EHBP1: variants seen among roughly 807,000 people sequenced by gnomAD.
EHBP1 encodes the protein EH domain binding protein 1.
In EHBP1, 55 loss-of-function variants were observed where a neutral mutation model predicts 144.0. The ratio of observed to expected loss-of-function variants is 0.38; its 90% CI spans 0.31 to 0.48. The LOEUF is 0.48. Among genes scored for constraint, EHBP1 ranks in the 20% least tolerant of loss-of-function variants. EHBP1 has a pLI of 0.98. For synonymous variants in EHBP1, 469 were observed against 472.7 expected (o/e 0.99, Z 0.10); for missense variants, 1,200 against 1,364.2 (o/e 0.88, Z 1.90).
intron 5 of EHBP1, among the ~76,000 whole-genome samples, chr2:62,816,622 G>A (rs1390770641): frequency 3.3e-5 from 5 of 152,214 alleles, no homozygotes; most frequent in Non-Finnish European, 7.3e-5. Context: ...GTCAGAAAGA[G>A]GAAGAGGAGC....
chr2:62,842,557 A>G (rs184327535), intron 7 of EHBP1, among the ~76,000 whole-genome samples: 1 of 152,232 alleles, frequency 6.6e-6, no homozygotes, highest in Non-Finnish European at 1.5e-5. Flanking sequence ...ATCCTTCAAA[A>G]TTTAATTCAC....
intron 19 of EHBP1, among the ~76,000 whole-genome samples, chr2:63,000,386 T>TG (rs2059801698): frequency 6.7e-6 from 1 of 148,926 alleles, no homozygotes; most frequent in African/African-American, 2.5e-5. Flanking sequence ...GTGTGTGTGT[T>TG]TTTTTTTTTC....
chr2:63,006,091 A>T (rs937585547), intron 19 of EHBP1, among the ~76,000 whole-genome samples: 1 of 151,970 alleles, frequency 6.6e-6, no homozygotes. Context: ...TTCTCTTATA[A>T]CACTTTTGCG....
At chr2:62,971,591 C>G (rs984433848) in intron 14 of EHBP1, among the ~76,000 whole-genome samples, 2 of 152,238 alleles carry the variant, frequency 1.3e-5, no homozygotes, top group Non-Finnish European at 2.9e-5. Flanking sequence ...TGATATCAAA[C>G]AGACACTGAT....
intron 5 of EHBP1, among the ~76,000 whole-genome samples, chr2:62,773,463 T>C (rs113102427): frequency 6.6e-6 from 1 of 152,122 alleles, no homozygotes; most frequent in Non-Finnish European, 1.5e-5. Context: ...TTTCAAACCA[T>C]ACTACCTTTG....
At chr2:63,040,442 T>C (rs2061610797) in intron 21 of EHBP1, among the ~76,000 whole-genome samples, 1 of 152,132 alleles carries the variant, frequency 6.6e-6, no homozygotes, top group Non-Finnish European at 1.5e-5. Flanking sequence ...TCCTCAGCAG[T>C]CCTATCCCTA....
intron 10 of EHBP1, among the ~76,000 whole-genome samples, chr2:62,895,278 T>TATCATCATCATC (rs10700628): frequency 6.9e-4 from 104 of 149,800 alleles, no homozygotes; most frequent in East Asian, 1.6e-3. Flanking sequence ...ATGTAAATTC[T>TATCATCATCATC]ATCATCATCA....
At chr2:62,978,181 G>T (rs183870736) in intron 14 of EHBP1, among the ~76,000 whole-genome samples, 4 of 151,178 alleles carry the variant, frequency 2.6e-5, no homozygotes, top group African/African-American at 9.7e-5. Context: ...GATTATTTGC[G>T]ATTCATAATA....
At chr2:62,811,127 A>G (rs78415374) in intron 5 of EHBP1, among the ~76,000 whole-genome samples, 1 of 152,198 alleles carries the variant, frequency 6.6e-6, no homozygotes, top group Non-Finnish European at 1.5e-5. Context: ...AATGTTTATG[A>G]GTATGTATCT....
chr2:62,961,347 G>A (rs2057992203), intron 14 of EHBP1, among the ~76,000 whole-genome samples: 1 of 152,050 alleles, frequency 6.6e-6, no homozygotes, highest in Admixed American at 6.5e-5. Flanking sequence ...ATACCTTTGT[G>A]CCTTTAGAAA....
At chr2:62,985,005 A>G (rs1424667894) in intron 15 of EHBP1, among the ~76,000 whole-genome samples, 1 of 151,436 alleles carries the variant, frequency 6.6e-6, no homozygotes, top group African/African-American at 2.4e-5. Context: ...CGGGCTGGAG[A>G]GTTGATTGTG....
intron 5 of EHBP1, among the ~76,000 whole-genome samples, chr2:62,775,759 A>G (rs979232252): frequency 6.6e-6 from 1 of 152,210 alleles, no homozygotes; most frequent in African/African-American, 2.4e-5. Flanking sequence ...TGTGAGTCAG[A>G]TATAACCCTA....
chr2:63,001,194 CAGTGTTTTATTTACATTTTGAGAGTAAA>C (rs1304128346), intron 19 of EHBP1, among the ~76,000 whole-genome samples: 1 of 152,082 alleles, frequency 6.6e-6, no homozygotes, highest in African/African-American at 2.4e-5. Context: ...TTAAAAGTTA[CAGTGTTTTATTTACATTTTGAGAGTAAA>C]AGTTAAAACA....
Position 62,948,261 on chromosome 2 carries a change from C to A in EHBP1, c.1415C>A (p.Ala472Glu). Residue 472 changes from alanine to glutamate, a missense_variant and splice_region_variant, in exon 13 of 23, where the codon GCA (alanine) becomes GAA (glutamate). This residue lies in a region of EHBP1 where 94 missense variants were observed against 143.0 expected (regional missense o/e 0.66). Coordinates refer to ENST00000431489, the MANE Select transcript of EHBP1 (RefSeq NM_001142616.3). ...CTTTTGTTTTTCCTTCCTTTGAAGG[C>A]ATACGATGGATTTGCCAGCATAGGA... ...PQDIKENNKK[A>E]YDGFASIGIS... 6.4e-7 allele frequency: 1 copy of A among 1,554,154 alleles called. No homozygotes were observed. Among genetic ancestry groups the A allele is most frequent in the Non-Finnish European group, 8.7e-7 (1 of 1,150,730 alleles).
intron 15 of EHBP1, among the ~76,000 whole-genome samples, chr2:62,988,731 G>T (rs569506900): frequency 1.3e-5 from 2 of 152,040 alleles, no homozygotes; most frequent in Non-Finnish European, 2.9e-5. Flanking sequence ...TATATCTGAG[G>T]GGTTCCATAA....
chr2:62,914,158 A>G (rs1490343026), intron 10 of EHBP1, among the ~76,000 whole-genome samples: 2 of 152,144 alleles, frequency 1.3e-5, no homozygotes, highest in African/African-American at 2.4e-5. Flanking sequence ...ATAAATCATT[A>G]TTTCTGAAAT....
intron 2 of EHBP1, among the ~76,000 whole-genome samples, chr2:62,741,112 T>C (rs1032800780): frequency 6.6e-6 from 1 of 152,174 alleles, no homozygotes; most frequent in Admixed American, 6.6e-5. Flanking sequence ...TCTTGTCTTA[T>C]GACTATGCCC....
chr2:62,864,708 A>G, intron 8 of EHBP1, 23 bp from the exon 9 acceptor site: 3 of 1,588,610 alleles, frequency 1.9e-6, no homozygotes, highest in Non-Finnish European at 2.6e-6. Context: ...ATGTGATTTA[A>G]TTCATCTGCT....
chr2:62,679,656 C>T (rs565265804), intron 1 of EHBP1, among the ~76,000 whole-genome samples: 27 of 151,920 alleles, frequency 1.8e-4, no homozygotes, highest in Non-Finnish European at 2.9e-4. Flanking sequence ...AATTTCTCAA[C>T]GGTAATAAAA....
Sources: allele counts gnomAD v4.1 joint callset (sites outside exome capture counted in the v4.1 genomes callset), GRCh38; gene constraint gnomAD v4.1.1; regional missense constraint gnomAD v4.1.1; transcripts MANE v1.5; gene names NCBI Gene and HGNC (gene_info 2026-07-23, HGNC 2026-07-21).